CELF2: variants seen among roughly 807,000 people sequenced by gnomAD.
CELF2 encodes CUG triplet repeat RNA-binding protein 2.
In CELF2, 8 loss-of-function variants were observed where a neutral mutation model predicts 62.6. That is an observed-to-expected ratio of 0.13 (90% confidence interval 0.07 to 0.23). The LOEUF (loss-of-function observed/expected upper bound fraction) is 0.23. Among genes scored for constraint, CELF2 ranks in the 10% least tolerant of loss-of-function variants. The probability of loss-of-function intolerance (pLI) is 1.00; values close to 1 mark genes in which losing one functional copy is unlikely to be tolerated. For missense variants in CELF2, 333 were observed against 671.0 expected (o/e 0.50, Z 5.56); for synonymous variants, 258 against 250.0 (o/e 1.03, Z -0.30).
chr10:10,687,450 A>G, the CELF2 span, among the ~76,000 whole-genome samples: 1 of 152,206 alleles, frequency 6.6e-6, no homozygotes, highest in Non-Finnish European at 1.5e-5. Flanking sequence ...AAGTCATTGT[A>G]AATTAGGTAT....
chr10:10,580,386 C>G, the CELF2 span, among the ~76,000 whole-genome samples: 2 of 152,136 alleles, frequency 1.3e-5, no homozygotes, highest in Non-Finnish European at 2.9e-5. Context: ...AAGAAGTCTC[C>G]AGATTCTATT....
rs2096058997 is a variant in CELF2, at chr10:11,333,073, T to G, written c.*4020T>G. On this transcript the variant is annotated 3_prime_UTR_variant, in exon 13 of 13. Coordinates refer to ENST00000633077, the MANE Select transcript of CELF2 (RefSeq NM_001326342.2). Reference sequence around the variant, plus strand: ...AACAATTTACTGAAGCCGACTCCCCTCCCCATCTCCCTCTCAACCTCAACC... The same window carrying G: ...AACAATTTACTGAAGCCGACTCCCCGCCCCATCTCCCTCTCAACCTCAACC... 1 of 152,000 alleles carries G rather than the reference T, an allele frequency of 6.6e-6. No homozygotes were observed. Among genetic ancestry groups the G allele is most frequent in the African/African-American group, 2.4e-5 (1 of 41,398 alleles). The allele number at this position is 152,000 out of a possible 1,614,324, so 9.4% of individuals were successfully genotyped here.
chr10:11,146,767 A>G (rs971476897), intron 1 of CELF2, among the ~76,000 whole-genome samples: 10 of 152,228 alleles, frequency 6.6e-5, no homozygotes, highest in South Asian at 2.1e-4. Flanking sequence ...CCCTGTCATC[A>G]GATAAGTTCA....
chr10:10,927,357 A>AAAAC (rs2065615840), intron 2 of CELF2: 1 of 149,372 alleles, frequency 6.7e-6, no homozygotes, highest in African/African-American at 2.5e-5. Context: ...AAAAAAAAAA[A>AAAAC]AAAAAAAAAC....
intron 9 of CELF2, among the ~76,000 whole-genome samples, chr10:11,312,433 A>G (rs2094612281): frequency 6.6e-6 from 1 of 152,258 alleles, no homozygotes; most frequent in Admixed American, 6.5e-5. Flanking sequence ...AGTAAAATAC[A>G]TGACTACATG....
chr10:10,813,651 C>G (rs1291902420), intron 1 of CELF2, among the ~76,000 whole-genome samples: 1 of 152,204 alleles, frequency 6.6e-6, no homozygotes, highest in Non-Finnish European at 1.5e-5. Context: ...TTCCCCTTCT[C>G]CATGAAAGCA....
Position 11,267,619 on chromosome 10 carries a change from A to G in CELF2, c.618+942A>G, listed in dbSNP as rs958835097. Among the ~76,000 whole-genome samples, 29 of 152,282 alleles carry G rather than the reference A, an allele frequency of 1.9e-4. No individual in the cohort carries two copies. Among genetic ancestry groups the G allele is most frequent in the African/African-American group, 7.0e-4 (29 of 41,532 alleles). On this transcript the variant is annotated intron_variant, in intron 6 of 12. Coordinates refer to ENST00000633077, the MANE Select transcript of CELF2 (RefSeq NM_001326342.2). The surrounding 1 kb of genome is among the most constrained non-coding windows in gnomAD (Gnocchi z 4.4). ...ATATTTTCAATTTTATTTAATATGC[A>G]AAAAACTTTTTTCTTGATTGAGCTT...
chr10:10,693,925 G>C, the CELF2 span, among the ~76,000 whole-genome samples: 2 of 151,784 alleles, frequency 1.3e-5, no homozygotes, highest in East Asian at 3.9e-4. Context: ...AGTCTTGCTA[G>C]CAATCTACCT....
chr10:11,019,844 A>G (rs143436455), intron 1 of CELF2, among the ~76,000 whole-genome samples: 1 of 152,198 alleles, frequency 6.6e-6, no homozygotes, highest in South Asian at 2.1e-4. Flanking sequence ...ATGTTTGCAC[A>G]TGAGCTAGTA....
At position 11,227,034 on chromosome 10, in the gene CELF2, C is replaced by T. The variant is rs145071649; in HGVS notation, c.354+9527C>T. On this transcript the variant is annotated intron_variant, in intron 3 of 12. Transcript: ENST00000633077. The surrounding 1 kb of genome is among the most constrained non-coding windows in gnomAD (Gnocchi z 4.8). Reference sequence around the variant, plus strand: ...GCCATTGCTCTGCTTCCGTGTTCCACAGACAGGGGAAGGGCAAGTATGGAG... The same window carrying T: ...GCCATTGCTCTGCTTCCGTGTTCCATAGACAGGGGAAGGGCAAGTATGGAG... Among the ~76,000 whole-genome samples, 21 of 152,306 alleles carry T rather than the reference C, an allele frequency of 1.4e-4. No individual in the cohort carries two copies. The highest frequency in any genetic ancestry group is 5.1e-4 in the African/African-American group (21 of 41,556).
At chr10:10,761,368 G>T in the CELF2 span, among the ~76,000 whole-genome samples, 1 of 152,216 alleles carries the variant, frequency 6.6e-6, no homozygotes, top group African/African-American at 2.4e-5. Context: ...TGAGGGACCT[G>T]TGAGAAATCA....
chr10:10,758,577 A>T, the CELF2 span, among the ~76,000 whole-genome samples: 1 of 109,670 alleles, frequency 9.1e-6, no homozygotes, highest in Non-Finnish European at 1.9e-5. Flanking sequence ...CCCAGTGTCT[A>T]CACAGAGTGG....
chr10:10,602,125 T>C, the CELF2 span, among the ~76,000 whole-genome samples: 1 of 152,184 alleles, frequency 6.6e-6, no homozygotes, highest in Non-Finnish European at 1.5e-5. Context: ...ACATTTTCTT[T>C]ATCCAGTCTA....
chr10:10,495,112 TA>T, the CELF2 span, among the ~76,000 whole-genome samples: 1,095 of 149,696 alleles, frequency 7.3e-3, 12 homozygotes, highest in African/African-American at 0.024. Flanking sequence ...CCGTCTCTAC[TA>T]AAAAAAAAAT....
At chr10:10,504,453 G>T in the CELF2 span, among the ~76,000 whole-genome samples, 1 of 152,074 alleles carries the variant, frequency 6.6e-6, no homozygotes, top group Non-Finnish European at 1.5e-5. Flanking sequence ...TTTTGCTATA[G>T]GTAAGGCATC....
intron 1 of CELF2, among the ~76,000 whole-genome samples, chr10:11,120,987 A>T (rs979509470): frequency 4.6e-5 from 7 of 152,270 alleles, no homozygotes; most frequent in African/African-American, 1.7e-4. Context: ...GCTTGCAAGG[A>T]GGTGTGTAGC....
At chr10:11,275,843 G>A (rs956345739) in intron 8 of CELF2, among the ~76,000 whole-genome samples, 1 of 152,140 alleles carries the variant, frequency 6.6e-6, no homozygotes, top group Non-Finnish European at 1.5e-5. Flanking sequence ...TACCTAACAC[G>A]GGGCCAGGGA....
At chr10:11,139,799 G>T (rs1030845092) in intron 1 of CELF2, among the ~76,000 whole-genome samples, 1 of 148,620 alleles carries the variant, frequency 6.7e-6, no homozygotes, top group Non-Finnish European at 1.5e-5. Context: ...ACCTCTCCCC[G>T]TTTCCTTTCC....
rs906405580 is a variant in CELF2, at chr10:11,319,574, A to T, written c.1097-1615A>T. On this transcript the variant is annotated intron_variant, in intron 10 of 12. Transcript: ENST00000633077. The surrounding 1 kb of genome is among the most constrained non-coding windows in gnomAD (Gnocchi z 4.4). ...CTCAATGATTTTCATTAATAGATAG[A>T]CCCCTTCATAATGAGAAACAAAAGC... 3.3e-5 allele frequency among the ~76,000 whole-genome samples: 5 copies of T among 151,956 alleles called. No individual in the cohort carries two copies. Among genetic ancestry groups the T allele is most frequent in the African/African-American group, 1.2e-4 (5 of 41,348 alleles).
Sources: gnomAD v4.1 joint callset for allele counts (sites outside exome capture counted in the v4.1 genomes callset) on GRCh38, gnomAD v4.1.1 for gene constraint, Gnocchi (gnomAD v3.1) non-coding constraint, MANE v1.5 for transcripts, NCBI Gene and HGNC (gene_info 2026-07-23, HGNC 2026-07-21) for gene names.